Variants in RPS6KA1 observed in about 807,000 individuals in gnomAD.
RPS6KA1 encodes the protein ribosomal protein S6 kinase alpha-1.
A neutral mutation model predicts 91.3 loss-of-function variants in RPS6KA1; 48 were observed. That is an observed-to-expected ratio of 0.53 (90% CI 0.42 to 0.67). The LOEUF (loss-of-function observed/expected upper bound fraction) is 0.67, where lower values mean the gene tolerates loss of function less well. RPS6KA1 is among the 30% of genes least tolerant of loss of function. The pLI is 0.00. For synonymous variants in RPS6KA1, 359 were observed against 384.7 expected (o/e 0.93, Z 0.78); for missense variants, 719 against 960.5 (o/e 0.75, Z 3.32).
At chr1:26,548,101 G>A (rs927921612) in intron 4 of RPS6KA1, among the ~76,000 whole-genome samples, 6 of 152,078 alleles carry the variant, frequency 3.9e-5, no homozygotes, top group Admixed American at 6.5e-5. Context: ...AGTAGGAGGC[G>A]TCAGCCTTAA....
intron 17 of RPS6KA1, among the ~76,000 whole-genome samples, chr1:26,565,535 A>G (rs931437068): frequency 7.9e-6 from 1 of 125,918 alleles, no homozygotes; most frequent in Non-Finnish European, 1.7e-5. Flanking sequence ...CCCGTTTTTG[A>G]ATTTATTTTT....
chr1:26,543,162 A>G, intron 2 of RPS6KA1: 1 of 1,535,686 alleles, frequency 6.5e-7, no homozygotes, highest in East Asian at 2.4e-5. Context: ...GAGCCCCACC[A>G]TGCAGACCCC....
At chr1:26,541,544 G>C in intron 2 of RPS6KA1, among the ~76,000 whole-genome samples, 1 of 152,208 alleles carries the variant, frequency 6.6e-6, no homozygotes, top group East Asian at 1.9e-4. Context: ...AGCAGAGTGA[G>C]ACTCCCTCTC....
intron 7 of RPS6KA1, chr1:26,553,973 C>T (rs1479437735): frequency 4.2e-6 from 2 of 470,906 alleles, no homozygotes; most frequent in African/African-American, 2.0e-5. Flanking sequence ...CCTTAGTTTT[C>T]CCATTAGCAA....
chr1:26,541,582 G>A (rs966305638), intron 2 of RPS6KA1, among the ~76,000 whole-genome samples: 3 of 152,204 alleles, frequency 2.0e-5, no homozygotes, highest in Non-Finnish European at 4.4e-5. Flanking sequence ...TGTGCGTGCA[G>A]CAACTGCTCA....
rs1299505031 is a variant in RPS6KA1 at position 26,551,344 on chromosome 1, G to A, written c.308-53G>A. 6 of 1,502,778 alleles carry A rather than the reference G, an allele frequency of 4.0e-6. No individual in the cohort carries two copies. The highest frequency in any genetic ancestry group is 1.1e-5 in the South Asian group (1 of 88,754). The allele number at this position is 1,502,778 out of a possible 1,614,324, so 93.1% of individuals were successfully genotyped here. ...GAGATCCCTTAGCGGGGGCTTGGGA[G>A]TGGCTGTGTTGAGTGTCTAGGCTAC... is the stretch of plus-strand genomic sequence containing the variant. On this transcript the variant is annotated intron_variant, in intron 4 of 21. Transcript: ENST00000374168. This position sits in a 1 kb window ranked among gnomAD's most constrained non-coding sequence, Gnocchi z 4.5.
chr1:26,561,240 T>C lies in RPS6KA1; in HGVS notation c.1431+106T>C. On this transcript the variant is annotated intron_variant, in intron 16 of 21. Coordinates refer to ENST00000374168, the MANE Select transcript of RPS6KA1 (RefSeq NM_002953.4). The surrounding 1 kb of genome is among the most constrained non-coding windows in gnomAD (Gnocchi z 5.7). ...CTTCTCATCCTCTTTCCAGTGGTCA[T>C]GTGGAGGGGAAGGAGGTCCCTTGGT... The C allele has an allele frequency of 8.8e-7, 1 of 1,138,900 alleles. No homozygotes were observed. Among genetic ancestry groups the C allele is most frequent in the Non-Finnish European group, 1.3e-6 (1 of 776,012 alleles). The allele number at this position is 1,138,900 out of a possible 1,614,324, so 70.5% of individuals were successfully genotyped here.
At chr1:26,539,096 C>A (rs747410875) in intron 2 of RPS6KA1, among the ~76,000 whole-genome samples, 3 of 152,206 alleles carry the variant, frequency 2.0e-5, no homozygotes, top group Non-Finnish European at 4.4e-5. Flanking sequence ...GGGGCAAGAG[C>A]ACAGCTGTGG....
rs2076246137 is a variant in RPS6KA1, at chr1:26,571,203, G to A, written c.1591-246G>A. On this transcript the variant is annotated intron_variant, in intron 17 of 21. Coordinates refer to ENST00000374168, the MANE Select transcript of RPS6KA1 (RefSeq NM_002953.4). This position sits in a 1 kb window ranked among gnomAD's most constrained non-coding sequence, Gnocchi z 5.1. ...CAAGGTAAGATTATGTGATGAGTAG[G>A]TTTTAGGGGAGAATTGAGAGTTCAG... 1.9e-6 allele frequency: 1 copy of A among 514,210 alleles called. No homozygotes were observed. The highest frequency in any genetic ancestry group is 3.4e-5 in the Admixed American group (1 of 29,064). 31.9% of individuals were successfully genotyped at this position (514,210 alleles called of 1,614,324 possible). A position where few individuals can be genotyped will look rare whatever the true frequency, so the allele number is the denominator to read the frequency against.
rs555052170 is a variant in RPS6KA1, at chr1:26,536,901, C to T, written c.64-24C>T. ...AGCGTGTAAGTTCTGACAGTGCTCC[C>T]CCAATCTCCTTTCTCTTTTCCAGAA... On this transcript the variant is annotated intron_variant, in intron 1 of 21. Transcript: ENST00000374168. The T allele has an allele frequency of 3.7e-5, 59 of 1,613,886 alleles. 1 individual carries two copies. In the East Asian group the frequency reaches 1.2e-3, roughly 32 times the overall value.
intron 17 of RPS6KA1, among the ~76,000 whole-genome samples, chr1:26,563,337 C>G (rs1203500097): frequency 6.6e-6 from 1 of 152,032 alleles, no homozygotes; most frequent in Non-Finnish European, 1.5e-5. Context: ...AAATGATCCT[C>G]CCACTTCAGC....
chr1:26,558,759 C>T lies in RPS6KA1; in HGVS notation c.1085-48C>T, dbSNP rs776315245. On this transcript the variant is annotated intron_variant, in intron 13 of 21. Transcript: ENST00000374168. This position sits in a 1 kb window ranked among gnomAD's most constrained non-coding sequence, Gnocchi z 4.0. ...CCCCTTTGCTGGGCTGCCTCAGGGT[C>T]GAGGGGACCTCCTCAGGTACCCTCA... The T allele has an allele frequency of 2.2e-5, 35 of 1,568,176 alleles. No individual in the cohort carries two copies. In the South Asian group the frequency reaches 2.5e-4, roughly 11 times the overall value.
intron 2 of RPS6KA1, chr1:26,545,917 A>G (rs2075990635): frequency 1.3e-6 from 2 of 1,582,344 alleles, no homozygotes; most frequent in Admixed American, 3.6e-5. Context: ...CAGGATCCCA[A>G]GCCGCCCCGT....
At position 26,571,481 on chromosome 1, in the gene RPS6KA1, C is replaced by T. The variant is rs1269359175; in HGVS notation, c.1623C>T (p.Ile541=). The T allele has an allele frequency of 3.7e-6, 6 of 1,614,238 alleles. No homozygotes were observed. Among genetic ancestry groups the T allele is most frequent in the African/African-American group, 2.7e-5 (2 of 75,060 alleles). Residue 541 remains isoleucine (I), a synonymous_variant, in exon 18 of 22, where the codon ATC becomes ATT. Coordinates refer to ENST00000374168, the MANE Select transcript of RPS6KA1 (RefSeq NM_002953.4). The surrounding 1 kb of genome is among the most constrained non-coding windows in gnomAD (Gnocchi z 5.1). The stretch of plus-strand genomic sequence containing the variant: ...ACAGGGACCTGAAGCCCAGCAACAT[C>T]CTGTATGTGGACGAGTCCGGGAATC... ...VVHRDLKPSN[I]LYVDESGNPE... is the part of the protein sequence containing the mutation.
Position 26,571,512 on chromosome 1 carries a change from T to G in RPS6KA1, c.1654T>G (p.Cys552Gly). 1 of 1,614,156 alleles carries G rather than the reference T, an allele frequency of 6.2e-7. No individual in the cohort carries two copies. Among genetic ancestry groups the G allele is most frequent in the Non-Finnish European group, 8.5e-7 (1 of 1,180,008 alleles). The change falls in exon 18 of 22, where the codon TGC (cysteine) becomes GGC (glycine). Residue 552 changes from cysteine to glycine, a missense_variant. Transcript: ENST00000374168. This position sits in a 1 kb window ranked among gnomAD's most constrained non-coding sequence, Gnocchi z 5.1. ...LYVDESGNPECLRICDFGFAK... is the reference protein window; with the variant it reads ...LYVDESGNPEGLRICDFGFAK... Reference sequence around the variant, plus strand: ...TGTGGACGAGTCCGGGAATCCCGAGTGCCTGCGCATCTGTGACTTTGGTTT... The same window carrying G: ...TGTGGACGAGTCCGGGAATCCCGAGGGCCTGCGCATCTGTGACTTTGGTTT...
At chr1:26,543,128 ACGGGGC>A in intron 2 of RPS6KA1, 2 of 1,535,176 alleles carry the variant, frequency 1.3e-6, no homozygotes, top group Non-Finnish European at 1.7e-6. Flanking sequence ...AGGAAGAGTA[ACGGGGC>A]CCTCTGGTCA....
chr1:26,561,065 G>C lies in RPS6KA1; in HGVS notation c.1362G>C (p.Arg454=). Residue 454 remains arginine (R), a synonymous_variant, in exon 16 of 22, where the codon CGG becomes CGC. Coordinates refer to ENST00000374168, the MANE Select transcript of RPS6KA1 (RefSeq NM_002953.4). This position sits in a 1 kb window ranked among gnomAD's most constrained non-coding sequence, Gnocchi z 5.7. ...YAVKVIDKSK[R]DPSEEIEILL... ...TTCAGGTCATTGATAAGAGCAAGCG[G>C]GATCCTTCAGAAGAGATTGAGATTC... 6.2e-7 allele frequency: 1 copy of C among 1,613,912 alleles called. No homozygotes were observed. Among genetic ancestry groups the C allele is most frequent in the South Asian group, 1.1e-5 (1 of 91,060 alleles).
In RPS6KA1 at chr1:26,561,356, T is replaced by C; in HGVS notation, c.1432-149T>C. On this transcript the variant is annotated intron_variant, in intron 16 of 21. Transcript: ENST00000374168. The surrounding 1 kb of genome is among the most constrained non-coding windows in gnomAD (Gnocchi z 5.7). ...GCGTATCAGGAGACCAGTGTCAGCA[T>C]CCTCCTTTTGGGGAAGGCAGGACCA... 3 of 1,068,078 alleles carry C rather than the reference T, an allele frequency of 2.8e-6. No individual in the cohort carries two copies. Among genetic ancestry groups the C allele is most frequent in the Non-Finnish European group, 4.2e-6 (3 of 719,488 alleles). The allele number at this position is 1,068,078 out of a possible 1,614,324, so 66.2% of individuals were successfully genotyped here.
chr1:26,530,120 G>C lies in RPS6KA1; in HGVS notation c.63+137G>C, dbSNP rs2075857515. ...AGTGCCCTCCGATCTCTTGCCCACT[G>C]TCCGGCTCCACCCCCCTATGCCCGG... On this transcript the variant is annotated intron_variant, in intron 1 of 21. Coordinates refer to ENST00000374168, the MANE Select transcript of RPS6KA1 (RefSeq NM_002953.4). The C allele has an allele frequency of 1.1e-5, 5 of 454,638 alleles. No homozygotes were observed. In the South Asian group the frequency reaches 4.4e-4, roughly 40 times the overall value. The allele number at this position is 454,638 out of a possible 1,614,324, so 28.2% of individuals were successfully genotyped here. A position where few individuals can be genotyped will look rare whatever the true frequency, so the allele number is the denominator to read the frequency against.
Sources: allele counts gnomAD v4.1 joint callset (sites outside exome capture counted in the v4.1 genomes callset), GRCh38; gene constraint gnomAD v4.1.1; non-coding constraint Gnocchi (gnomAD v3.1); transcripts MANE v1.5; gene names NCBI Gene and HGNC (gene_info 2026-07-23, HGNC 2026-07-21).